PTGR2: variants seen among roughly 807,000 people sequenced by gnomAD.
The protein encoded by PTGR2 is 15-oxoprostaglandin 13-reductase.
PTGR2 carries 32 observed loss-of-function variants against 43.4 expected under a neutral mutation model. The ratio of observed to expected loss-of-function variants is 0.74; its 90% CI spans 0.56 to 0.99. The LOEUF (loss-of-function observed/expected upper bound fraction) is 0.99. Among genes scored for constraint, PTGR2 ranks in the 50% least tolerant of loss-of-function variants. The pLI is 0.00. For missense variants in PTGR2, 373 were observed against 420.0 expected (o/e 0.89, Z 0.98); for synonymous variants, 106 against 139.2 (o/e 0.76, Z 1.68).
intron 2 of PTGR2, 117 bp from the exon 3 acceptor site, chr14:73,860,422 G>T: frequency 1.9e-6 from 1 of 521,296 alleles, no homozygotes; most frequent in South Asian, 2.7e-5. Flanking sequence ...AGCCGAGATC[G>T]CGCCACTGCA....
At chr14:73,873,467 T>C (rs1174620040) in intron 3 of PTGR2, among the ~76,000 whole-genome samples, 1 of 118,332 alleles carries the variant, frequency 8.5e-6, no homozygotes, top group Admixed American at 1.0e-4. Flanking sequence ...TTTCTTTTCT[T>C]TTTTTTTTTT....
chr14:73,880,735 G>A (rs1347049664), intron 7 of PTGR2, among the ~76,000 whole-genome samples: 1 of 152,134 alleles, frequency 6.6e-6, no homozygotes, highest in Non-Finnish European at 1.5e-5. Flanking sequence ...GAGAAAGGAT[G>A]CTACCCACAA....
intron 2 of PTGR2, among the ~76,000 whole-genome samples, chr14:73,859,913 A>G (rs943119867): frequency 5.3e-5 from 8 of 151,586 alleles, no homozygotes; most frequent in African/African-American, 1.9e-4. Context: ...CAGTGGCACA[A>G]TCTCGGCTCA....
chr14:73,853,280 ACT>A (rs2054272430), intron 1 of PTGR2, among the ~76,000 whole-genome samples: 1 of 151,290 alleles, frequency 6.6e-6, no homozygotes, highest in South Asian at 2.1e-4. Flanking sequence ...AAGTTGGGCG[ACT>A]CTGGGCGAAT....
intron 1 of PTGR2, among the ~76,000 whole-genome samples, chr14:73,857,590 G>T (rs1356365301): frequency 1.3e-5 from 2 of 150,138 alleles, no homozygotes; most frequent in Non-Finnish European, 3.0e-5. Flanking sequence ...CTCCAGCTTG[G>T]GTGACAGAGT....
chr14:73,877,068 C>T lies in PTGR2; in HGVS notation c.419C>T (p.Ser140Phe). 6.2e-7 allele frequency: 1 copy of T among 1,613,890 alleles called. No individual in the cohort carries two copies. The highest frequency in any genetic ancestry group is 8.5e-7 in the Non-Finnish European group (1 of 1,179,884). ...GCTATAGGTATGCCTGGTTTGACTT[C>T]CTTGATTGGGATACAGGAAAAAGGT... Reference protein sequence around the residue: ...LGAIGMPGLTSLIGIQEKGHI... With the variant: ...LGAIGMPGLTFLIGIQEKGHI... The change falls in exon 5 of 10, where the codon TCC becomes TTC. Residue 140 changes from serine (S) to phenylalanine (F), a missense_variant. Coordinates refer to ENST00000555661, the MANE Select transcript of PTGR2 (RefSeq NM_001146154.2).
chr14:73,861,046 A>G (rs2054477683), intron 3 of PTGR2: 1 of 153,400 alleles, frequency 6.5e-6, no homozygotes, highest in Non-Finnish European at 1.4e-5. Flanking sequence ...ATTTATTTCT[A>G]GTTGACCTCC....
At position 73,884,334 on chromosome 14, in the gene PTGR2, A is replaced by C. The variant is rs2055075216; in HGVS notation, c.*157A>C. ...CATAGGGTATTTGATACAATCATTA[A>C]TGGATCATACACAATAGGTTTTTAA... On this transcript the variant is annotated 3_prime_UTR_variant, in exon 10 of 10. Transcript: ENST00000555661. The C allele has an allele frequency of 1.8e-6, 1 of 543,870 alleles. No individual in the cohort carries two copies. Among genetic ancestry groups the C allele is most frequent in the Admixed American group, 3.9e-5 (1 of 25,970 alleles). 33.7% of individuals were successfully genotyped at this position (543,870 alleles called of 1,614,324 possible).
Position 73,858,903 on chromosome 14 carries a change from T to C in PTGR2, c.37+4T>C. The stretch of plus-strand genomic sequence containing the variant: ...GTGGTATTGAATTCTCGACCTGGTA[T>C]GTATTTGCGATGAATGAACAACTCT... On this transcript the variant is annotated splice_donor_region_variant and intron_variant, in intron 2 of 9. Transcript: ENST00000555661. 2.5e-6 allele frequency: 4 copies of C among 1,610,048 alleles called. No homozygotes were observed. The highest frequency in any genetic ancestry group is 1.3e-5 in the African/African-American group (1 of 74,848).
intron 4 of PTGR2, among the ~76,000 whole-genome samples, chr14:73,876,483 C>CTTTTTTTTTTTTTTTTTTTTTT (rs766810794): frequency 8.3e-5 from 9 of 108,566 alleles, no homozygotes; most frequent in Non-Finnish European, 1.3e-4. Context: ...GACATAAGTC[C>CTTTTTTTTTTTTTTTTTTTTTT]TTTTTTTTTT....
At chr14:73,853,411 C>G (rs887298122) in intron 1 of PTGR2, among the ~76,000 whole-genome samples, 1 of 151,886 alleles carries the variant, frequency 6.6e-6, no homozygotes, top group Non-Finnish European at 1.5e-5. Context: ...CAACCTCCAC[C>G]TCCCGGTTTA....
intron 3 of PTGR2, among the ~76,000 whole-genome samples, chr14:73,860,860 G>A (rs149500334): frequency 6.6e-6 from 1 of 152,112 alleles, no homozygotes; most frequent in East Asian, 1.9e-4. Flanking sequence ...GATAATAGTA[G>A]TACATGTATG....
chr14:73,875,566 G>A (rs2054839907), intron 4 of PTGR2, among the ~76,000 whole-genome samples: 1 of 150,664 alleles, frequency 6.6e-6, no homozygotes, highest in South Asian at 2.1e-4. Flanking sequence ...GGGTGGTGTT[G>A]AATGCCTGAC....
chr14:73,882,926 T>A (rs2140279724), intron 9 of PTGR2, among the ~76,000 whole-genome samples: 1 of 142,836 alleles, frequency 7.0e-6, no homozygotes, highest in Admixed American at 7.3e-5. Flanking sequence ...GATCAAGCAA[T>A]TCTCCTGCCT....
chr14:73,880,294 C>T lies in PTGR2; in HGVS notation c.851+118C>T, dbSNP rs149267042. On this transcript the variant is annotated intron_variant, in intron 7 of 9. Coordinates refer to ENST00000555661, the MANE Select transcript of PTGR2 (RefSeq NM_001146154.2). ...TTCTTTATTAAATAAAACTTTAGGT[C>T]GGGCATAGTGGCTTATGCCTGTAAT... is the stretch of plus-strand genomic sequence containing the variant. The T allele has an allele frequency of 3.8e-4, 476 of 1,256,558 alleles. No individual in the cohort carries two copies. In the African/African-American group the frequency reaches 6.2e-3, roughly 16 times the overall value. The allele number at this position is 1,256,558 out of a possible 1,614,324, so 77.8% of individuals were successfully genotyped here. A position where few individuals can be genotyped will look rare whatever the true frequency, so the allele number is the denominator to read the frequency against.
chr14:73,884,388 A>C lies in PTGR2; in HGVS notation c.*211A>C. The C allele has an allele frequency of 2.6e-6, 1 of 381,674 alleles. No homozygotes were observed. The highest frequency in any genetic ancestry group is 4.6e-6 in the Non-Finnish European group (1 of 218,474). The allele number at this position is 381,674 out of a possible 1,614,324, so 23.6% of individuals were successfully genotyped here. On this transcript the variant is annotated 3_prime_UTR_variant, in exon 10 of 10. Coordinates refer to ENST00000555661, the MANE Select transcript of PTGR2 (RefSeq NM_001146154.2). ...TTAATAACTTTTAGTAATTACTTTTATTAATTTAAAATAGAACGCTTGAGA... is the reference window on the plus strand; with the variant it reads ...TTAATAACTTTTAGTAATTACTTTTCTTAATTTAAAATAGAACGCTTGAGA...
intron 3 of PTGR2, chr14:73,861,407 T>G (rs2054486702): frequency 6.6e-6 from 1 of 152,196 alleles, no homozygotes; most frequent in South Asian, 2.1e-4. Flanking sequence ...CCTATGGCCA[T>G]GACAAGCATA....
intron 6 of PTGR2, 159 bp downstream of exon 6, chr14:73,879,464 G>T: frequency 1.7e-6 from 1 of 593,646 alleles, no homozygotes; most frequent in South Asian, 2.5e-5. Context: ...AGAGCTTGCT[G>T]ATACCTACTT....
Position 73,874,138 on chromosome 14 carries a change from C to G in PTGR2, c.272C>G (p.Thr91Ser). 6.2e-7 allele frequency: 1 copy of G among 1,613,902 alleles called. No individual in the cohort carries two copies. The highest frequency in any genetic ancestry group is 8.5e-7 in the Non-Finnish European group (1 of 1,179,948). Reference protein sequence around the residue: ...IIEESKHTNLTKGDFVTSFYW... With the variant: ...IIEESKHTNLSKGDFVTSFYW... ...GAAGAAAGCAAACACACAAATTTGA[C>G]TAAAGGCGATTTTGTGACTTCTTTC... The change falls in exon 4 of 10, where the codon ACT becomes AGT. Residue 91 changes from threonine (T) to serine (S), a missense_variant. By Grantham distance (58) the Thr-to-Ser change is moderately conservative. Transcript: ENST00000555661.
Sources: allele counts gnomAD v4.1 joint callset (sites outside exome capture counted in the v4.1 genomes callset), GRCh38; gene constraint gnomAD v4.1.1; transcripts MANE v1.5; gene names NCBI Gene and HGNC (gene_info 2026-07-23, HGNC 2026-07-21).